The following ZNF225 variants were observed in gnomAD, a reference collection of about 807,000 sequenced individuals.
ZNF225 encodes the protein zinc finger protein 225.
ZNF225 carries 6 observed loss-of-function variants against 12.0 expected under a neutral mutation model. The ratio of observed to expected loss-of-function variants is 0.50; its 90% CI spans 0.27 to 0.98. The LOEUF is 0.98. ZNF225 is among the 50% of genes least tolerant of loss of function. ZNF225 has a pLI of 0.11. For synonymous variants in ZNF225, 271 were observed against 283.2 expected (o/e 0.96, Z 0.43); for missense variants, 763 against 848.2 (o/e 0.90, Z 1.25).
intron 1 of ZNF225, among the ~76,000 whole-genome samples, chr19:44,115,254 G>A (rs187975303): frequency 6.7e-4 from 102 of 152,228 alleles, no homozygotes; most frequent in African/African-American, 2.3e-3. Flanking sequence ...ACACTTTAAT[G>A]ATTTTTAGGA....
intron 4 of ZNF225, among the ~76,000 whole-genome samples, chr19:44,121,335 T>G (rs1968052542): frequency 6.6e-6 from 1 of 152,236 alleles, no homozygotes; most frequent in South Asian, 2.1e-4. Context: ...TCATTCCTTT[T>G]TATGGCTGAG....
Position 44,115,801 on chromosome 19 carries a change from T to C in ZNF225, c.-27T>C. ...CCTTGGACTGTATCACTCAGGACTC[T>C]GAATATTCCCTGAAATAGGAGGAAA... On this transcript the variant is annotated 5_prime_UTR_variant, in exon 2 of 5. Coordinates refer to ENST00000262894, the MANE Select transcript of ZNF225 (RefSeq NM_013362.4). 1 of 1,612,324 alleles carries C rather than the reference T, an allele frequency of 6.2e-7. No homozygotes were observed. The highest frequency in any genetic ancestry group is 1.1e-5 in the South Asian group (1 of 90,780).
chr19:44,132,927 G>A lies in ZNF225; in HGVS notation c.*192G>A. On this transcript the variant is annotated 3_prime_UTR_variant, in exon 5 of 5. Transcript: ENST00000262894. The stretch of plus-strand genomic sequence containing the variant: ...TTAATTACTGTCACCCTGTAGTGGT[G>A]TAAAACACTAGAACTTATTCCTCCT... The A allele has an allele frequency of 4.0e-6, 2 of 505,694 alleles. No individual in the cohort carries two copies. The highest frequency in any genetic ancestry group is 3.0e-5 in the South Asian group (1 of 33,838). The allele number at this position is 505,694 out of a possible 1,614,324, so 31.3% of individuals were successfully genotyped here.
chr19:44,127,490 G>A (rs560673622), intron 4 of ZNF225, among the ~76,000 whole-genome samples: 34 of 152,226 alleles, frequency 2.2e-4, no homozygotes, highest in Admixed American at 2.0e-3. Flanking sequence ...GGTAAAATTC[G>A]CAATGGGAGA....
At chr19:44,112,669 G>GA (rs961226556), upstream of ZNF225, among the ~76,000 whole-genome samples, 15 of 152,120 alleles carry the variant, frequency 9.9e-5, no homozygotes, top group Admixed American at 6.5e-4. Flanking sequence ...TAACGGAGGG[G>GA]AAAAAACTAA....
chr19:44,130,875 G>T lies in ZNF225; in HGVS notation c.261G>T (p.Glu87Asp). Reference sequence around the variant, plus strand: ...GAGGCAAGATCCAAATGGAGATGGAGACTGTTTCAGAATCAGGAACACATG... The same window carrying T: ...GAGGCAAGATCCAAATGGAGATGGATACTGTTTCAGAATCAGGAACACATG... ...NLGGKIQMEM[E>D]TVSESGTHEG... The change falls in exon 5 of 5, where the codon GAG (glutamate) becomes GAT (aspartate). Residue 87 changes from glutamate (E) to aspartate (D), a missense_variant. Transcript: ENST00000262894. 1 of 1,612,958 alleles carries T rather than the reference G, an allele frequency of 6.2e-7. No homozygotes were observed. Among genetic ancestry groups the T allele is most frequent in the South Asian group, 1.1e-5 (1 of 90,852 alleles).
Position 44,134,165 on chromosome 19 carries a change from T to C in ZNF225, c.*1430T>C, listed in dbSNP as rs1011539173. The C allele has an allele frequency of 2.0e-5, 3 of 152,132 alleles. No homozygotes were observed. Among genetic ancestry groups the C allele is most frequent in the Non-Finnish European group, 4.4e-5 (3 of 68,018 alleles). 9.4% of individuals were successfully genotyped at this position (152,132 alleles called of 1,614,324 possible). ...TATCTGGAGGGAATCAGATGTAAAT[T>C]TGTAAAGATCCTTTGTGCATGGAGT... is the stretch of plus-strand genomic sequence containing the variant. On this transcript the variant is annotated 3_prime_UTR_variant, in exon 5 of 5. Transcript: ENST00000262894.
Position 44,132,335 on chromosome 19 carries a change from G to C in ZNF225, c.1721G>C (p.Gly574Ala). Residue 574 changes from glycine to alanine, a missense_variant, in exon 5 of 5, where the codon GGG (glycine) becomes GCG (alanine). Gly to Ala is a moderately conservative substitution (Grantham distance 60). Transcript: ENST00000262894. Reference sequence around the variant, plus strand: ...AGACCTTATAATTGTAAAGAATGTGGGAAGAGCTTTAGCCGGGCCTCAAGT... The same window carrying C: ...AGACCTTATAATTGTAAAGAATGTGCGAAGAGCTTTAGCCGGGCCTCAAGT... ...GERPYNCKEC[G>A]KSFSRASSIL... 1 of 1,614,080 alleles carries C rather than the reference G, an allele frequency of 6.2e-7. No individual in the cohort carries two copies. The highest frequency in any genetic ancestry group is 8.5e-7 in the Non-Finnish European group (1 of 1,180,002).
In ZNF225 at chr19:44,118,764, T is replaced by C. The variant is rs149677168; in HGVS notation, c.235+190T>C. ...CATCTGTTTTCCTCATGGCAGCCAA[T>C]GTATTCCTTAGGAAAGTCAGACTGC... On this transcript the variant is annotated intron_variant, in intron 4 of 4. Coordinates refer to ENST00000262894, the MANE Select transcript of ZNF225 (RefSeq NM_013362.4). 7.6e-3 allele frequency among the ~76,000 whole-genome samples: 1,161 copies of C among 152,218 alleles called. 24 individuals carry two copies. The highest frequency in any genetic ancestry group is 0.026 in the African/African-American group (1,086 of 41,538).
chr19:44,134,301 G>A lies in ZNF225; in HGVS notation c.*1566G>A, dbSNP rs1418636898. 6.6e-6 allele frequency: 1 copy of A among 152,062 alleles called. No homozygotes were observed. The highest frequency in any genetic ancestry group is 1.5e-5 in the Non-Finnish European group (1 of 68,010). The allele number at this position is 152,062 out of a possible 1,614,324, so 9.4% of individuals were successfully genotyped here. Reference sequence around the variant, plus strand: ...GGTTCTTATTGGAACTAATCATGTAGGTACCATCCCTCTGGTACATATCAA... The same window carrying A: ...GGTTCTTATTGGAACTAATCATGTAAGTACCATCCCTCTGGTACATATCAA... On this transcript the variant is annotated 3_prime_UTR_variant, in exon 5 of 5. Transcript: ENST00000262894.
chr19:44,128,118 C>A (rs1343277185), intron 4 of ZNF225, among the ~76,000 whole-genome samples: 2 of 139,220 alleles, frequency 1.4e-5, no homozygotes, highest in Non-Finnish European at 3.2e-5. Flanking sequence ...TGTACATCAC[C>A]AATGTACATG....
rs1327549382 is a variant in ZNF225 at position 44,113,570 on chromosome 19, G to A, written c.-69+1G>A. 1 of 152,284 alleles carries A rather than the reference G, an allele frequency of 6.6e-6. No individual in the cohort carries two copies. Among genetic ancestry groups the A allele is most frequent in the African/African-American group, 2.4e-5 (1 of 41,452 alleles). 9.4% of individuals were successfully genotyped at this position (152,284 alleles called of 1,614,324 possible). A position where few individuals can be genotyped will look rare whatever the true frequency, so the allele number is the denominator to read the frequency against. On this transcript the variant is annotated splice_donor_variant, in intron 1 of 4. Transcript: ENST00000262894. LOFTEE classifies it low-confidence loss of function (5UTR_SPLICE). Reference sequence around the variant, plus strand: ...AAAGAAACCTCGTCGGAGAGCAGAGGTTTGGCGGAGCGGGGCCGCTGTTTT... The same window carrying A: ...AAAGAAACCTCGTCGGAGAGCAGAGATTTGGCGGAGCGGGGCCGCTGTTTT...
chr19:44,132,256 G>A lies in ZNF225; in HGVS notation c.1642G>A (p.Gly548Ser), dbSNP rs954177672. ...KPYKCEECGK[G>S]FNSKFNLDMH... ...ATACAAATGTGAAGAGTGTGGGAAG[G>A]GCTTCAACAGTAAGTTTAATCTTGA... is the stretch of plus-strand genomic sequence containing the variant. The change falls in exon 5 of 5, where the codon GGC (glycine) becomes AGC (serine). Residue 548 changes from glycine (G) to serine (S), a missense_variant. By Grantham distance (56) the Gly-to-Ser change is moderately conservative. Coordinates refer to ENST00000262894, the MANE Select transcript of ZNF225 (RefSeq NM_013362.4). 4.3e-6 allele frequency: 7 copies of A among 1,612,506 alleles called. No individual in the cohort carries two copies. In the Admixed American group the frequency reaches 1.2e-4, roughly 27 times the overall value.
At chr19:44,125,265 A>C (rs1028698568) in intron 4 of ZNF225, among the ~76,000 whole-genome samples, 3 of 152,278 alleles carry the variant, frequency 2.0e-5, no homozygotes, top group Admixed American at 1.3e-4. Flanking sequence ...TTTGTCTGAA[A>C]AAGACTGTAT....
At chr19:44,114,836 A>G (rs1967907176) in intron 1 of ZNF225, among the ~76,000 whole-genome samples, 1 of 152,198 alleles carries the variant, frequency 6.6e-6, no homozygotes, top group African/African-American at 2.4e-5. Context: ...TTATTGCAAC[A>G]TAACAGGGGC....
At position 44,132,424 on chromosome 19, in the gene ZNF225, A is replaced by G. The variant is rs746895389; in HGVS notation, c.1810A>G (p.Arg604Gly). 1 of 1,614,192 alleles carries G rather than the reference A, an allele frequency of 6.2e-7. No homozygotes were observed. The highest frequency in any genetic ancestry group is 1.1e-5 in the South Asian group (1 of 91,092). ...ATTCAAATGTGAAGAGTGTGGGAAG[A>G]GATTTACTGAGAATTCACAGCTTCA... ...KPFKCEECGK[R>G]FTENSQLHSH... The change falls in exon 5 of 5, where the codon AGA becomes GGA. Residue 604 changes from arginine to glycine, a missense_variant. By Grantham distance (125) the Arg-to-Gly change is moderately radical. Coordinates refer to ENST00000262894, the MANE Select transcript of ZNF225 (RefSeq NM_013362.4).
chr19:44,127,843 T>C (rs952908358), intron 4 of ZNF225, among the ~76,000 whole-genome samples: 3 of 152,074 alleles, frequency 2.0e-5, no homozygotes, highest in African/African-American at 7.3e-5. Context: ...AGTTTCACCA[T>C]GTTGGCCAAG....
chr19:44,117,828 G>A (rs1284754286), intron 2 of ZNF225, among the ~76,000 whole-genome samples: 4 of 152,132 alleles, frequency 2.6e-5, no homozygotes, highest in African/African-American at 9.7e-5. Flanking sequence ...AGACCAGCCT[G>A]GCCAATGTGG....
Position 44,131,600 on chromosome 19 carries a change from C to T in ZNF225, c.986C>T (p.Ser329Leu). 2 of 1,614,200 alleles carry T rather than the reference C, an allele frequency of 1.2e-6. No individual in the cohort carries two copies. Among genetic ancestry groups the T allele is most frequent in the South Asian group, 2.2e-5 (2 of 91,086 alleles). The change falls in exon 5 of 5, where the codon TCA (serine) becomes TTA (leucine). Residue 329 changes from serine to leucine, a missense_variant. Ser to Leu is a moderately radical substitution (Grantham distance 145). Transcript: ENST00000262894. The stretch of plus-strand genomic sequence containing the variant: ...TGTGGTAAGAGCTTTGGTCTGAAAT[C>T]AGCACTTAATAGTCATCGCATGGTC... ...DTCGKSFGLK[S>L]ALNSHRMVHT...
Sources: gnomAD v4.1 joint callset for allele counts (sites outside exome capture counted in the v4.1 genomes callset) on GRCh38, gnomAD v4.1.1 for gene constraint, MANE v1.5 for transcripts, NCBI Gene and HGNC (gene_info 2026-07-23, HGNC 2026-07-21) for gene names.